PCNX1: variants seen among roughly 807,000 people sequenced by gnomAD.
PCNX1 encodes pecanex-like protein 1.
In PCNX1, 78 loss-of-function variants were observed where a neutral mutation model predicts 242.2. The ratio of observed to expected loss-of-function variants is 0.32; its 90% CI spans 0.27 to 0.39. The LOEUF (loss-of-function observed/expected upper bound fraction) is 0.39, where lower values mean the gene tolerates loss of function less well. Among genes scored for constraint, PCNX1 ranks in the 10% least tolerant of loss-of-function variants. PCNX1 has a pLI of 1.00. For synonymous variants in PCNX1, 1,024 were observed against 1,032.9 expected (o/e 0.99, Z 0.17); for missense variants, 2,581 against 2,856.5 (o/e 0.90, Z 2.20).
chr14:71,062,764 C>T (rs1405963277), intron 26 of PCNX1, among the ~76,000 whole-genome samples: 3 of 152,200 alleles, frequency 2.0e-5, no homozygotes, highest in African/African-American at 7.2e-5. Context: ...TTCACACTCA[C>T]TCACTACTGA....
intron 6 of PCNX1, among the ~76,000 whole-genome samples, chr14:70,980,319 C>T (rs2058801842): frequency 6.8e-6 from 1 of 147,962 alleles, no homozygotes; most frequent in Non-Finnish European, 1.5e-5. Context: ...CTATATTAGC[C>T]CTTGTTTTTC....
Position 71,045,270 on chromosome 14 carries a change from G to C in PCNX1, c.4005G>C (p.Gln1335His). The C allele has an allele frequency of 6.2e-7, 1 of 1,601,290 alleles. No homozygotes were observed. The highest frequency in any genetic ancestry group is 8.5e-7 in the Non-Finnish European group (1 of 1,176,028). The stretch of plus-strand genomic sequence containing the variant: ...TGCTAAAGACACTAGAGTATAATCA[G>C]TATGAAGTTCGAAGTAAGTATTTCA... ...HPLLKTLEYN[Q>H]YEVRNAATMM... The change falls in exon 20 of 36, where the codon CAG (glutamine) becomes CAC (histidine). Residue 1335 changes from glutamine (Q) to histidine (H), a missense_variant. Physicochemically the swap from Gln to His is conservative, Grantham distance 24. This residue lies in a region of PCNX1 where 432 missense variants were observed against 443.1 expected (regional missense o/e 0.97). Transcript: ENST00000304743.
Position 71,011,515 on chromosome 14 carries a change from GT to G in PCNX1, c.2746del (p.Ser916LeufsTer19). The G allele has an allele frequency of 6.3e-7, 1 of 1,575,684 alleles. No individual in the cohort carries two copies. Among genetic ancestry groups the G allele is most frequent in the Non-Finnish European group, 8.7e-7 (1 of 1,147,240 alleles). On this transcript the variant is annotated frameshift_variant, in exon 10 of 36. Transcript: ENST00000304743. LOFTEE classifies it high-confidence loss of function. ...NICDTDSHVS[S>X]STSVRFYPHD... The stretch of plus-strand genomic sequence containing the variant: ...AGTGACACAGATTCTCATGTATCCA[GT>G]TCTACCTCAGTTCGATTTTATCCAC...
intron 18 of PCNX1, 144 bp from the exon 19 acceptor site, chr14:71,035,921 G>T: frequency 1.7e-6 from 1 of 576,050 alleles, no homozygotes; most frequent in Non-Finnish European, 3.0e-6. Flanking sequence ...AAGTATCAAT[G>T]AAAACTTCTT....
intron 16 of PCNX1, chr14:71,031,923 C>A (rs181991122): frequency 6.1e-5 from 87 of 1,432,800 alleles, no homozygotes; most frequent in Non-Finnish European, 7.6e-5. Flanking sequence ...CAAACTGGTA[C>A]CACAGGCGGA....
intron 28 of PCNX1, among the ~76,000 whole-genome samples, chr14:71,077,021 TAAA>T (rs766791830): frequency 3.6e-4 from 55 of 152,178 alleles, no homozygotes; most frequent in Admixed American, 4.6e-4. Context: ...TTAATATGAG[TAAA>T]AAAGACATAG....
intron 1 of PCNX1, among the ~76,000 whole-genome samples, chr14:70,914,426 G>C (rs916073436): frequency 2.0e-5 from 3 of 152,134 alleles, no homozygotes; most frequent in African/African-American, 7.2e-5. Context: ...TTTATAAAAT[G>C]TTCTGTCTTT....
intron 8 of PCNX1, among the ~76,000 whole-genome samples, chr14:71,006,041 A>G (rs757417347): frequency 1.4e-5 from 2 of 139,954 alleles, no homozygotes; most frequent in Non-Finnish European, 3.1e-5. Context: ...TCCTACCTCA[A>G]CCTCCCAAGT....
At position 71,051,909 on chromosome 14, in the gene PCNX1, G is replaced by A. The variant is rs113367422; in HGVS notation, c.4474G>A (p.Ala1492Thr). Residue 1492 changes from alanine to threonine, a missense_variant, in exon 24 of 36, where the codon GCT becomes ACT. By Grantham distance (58) the Ala-to-Thr change is moderately conservative. Around this residue, in one of 9 missense-constraint regions of PCNX1, gnomAD observed 99 missense variants for 147.3 expected, o/e 0.67. Coordinates refer to ENST00000304743, the MANE Select transcript of PCNX1 (RefSeq NM_014982.3). ...TTCAGCCATGCTGTTTATTCAGGCT[G>A]CTGTCTCGGCCTTCTTCTCTACTCC... ...PHSAMLFIQA[A>T]VSAFFSTPLN... 6.2e-7 allele frequency: 1 copy of A among 1,613,550 alleles called. No homozygotes were observed. Among genetic ancestry groups the A allele is most frequent in the Non-Finnish European group, 8.5e-7 (1 of 1,179,696 alleles).
intron 7 of PCNX1, among the ~76,000 whole-genome samples, chr14:70,993,688 GA>G (rs553397434): frequency 1.3e-5 from 2 of 151,818 alleles, no homozygotes; most frequent in African/African-American, 4.8e-5. Flanking sequence ...GATGTCAAGT[GA>G]AAAAAAATCG....
At chr14:71,072,052 A>G (rs1445780352) in intron 26 of PCNX1, among the ~76,000 whole-genome samples, 1 of 152,216 alleles carries the variant, frequency 6.6e-6, no homozygotes, top group Non-Finnish European at 1.5e-5. Context: ...CTAACATTAA[A>G]GATCACTGAT....
intron 2 of PCNX1, among the ~76,000 whole-genome samples, chr14:70,959,986 G>T (rs1595055529): frequency 8.1e-6 from 1 of 123,764 alleles, no homozygotes; most frequent in Non-Finnish European, 1.8e-5. Context: ...GCCAGTGATG[G>T]TGAGCATTTT....
rs28742977 is a variant in PCNX1 at position 70,978,539 on chromosome 14, A to G, written c.2202A>G (p.Leu734=). Residue 734 remains leucine (L), a synonymous_variant, in exon 6 of 36, where the codon CTA becomes CTG. Coordinates refer to ENST00000304743, the MANE Select transcript of PCNX1 (RefSeq NM_014982.3). The part of the protein sequence containing the change: ...EAKEGEVLDE[L]SLLGRASQLE... ...AAGAGGGAGAGGTGCTAGATGAGCT[A>G]TCTTTATTAGGACGGGCTTCCCAGT... The G allele has an allele frequency of 3.2e-4, 519 of 1,614,156 alleles. No homozygotes were observed. The African/African-American group carries it at 6.0e-3, about 19-fold the overall frequency.
chr14:70,972,325 G>A lies in PCNX1; in HGVS notation c.604+3215G>A, dbSNP rs920630321. 1.9e-4 allele frequency among the ~76,000 whole-genome samples: 29 copies of A among 152,110 alleles called. 1 individual carries two copies. The South Asian group carries it at 5.4e-3, about 28-fold the overall frequency. The stretch of plus-strand genomic sequence containing the variant: ...TCAGGTGCTGTTAGACCTGTAAGCA[G>A]CAATGAGTAGATAAGAGAGGTCCAG... On this transcript the variant is annotated intron_variant, in intron 5 of 35. Coordinates refer to ENST00000304743, the MANE Select transcript of PCNX1 (RefSeq NM_014982.3).
At chr14:71,078,522 T>C (rs910719566) in intron 28 of PCNX1, 1 of 152,258 alleles carries the variant, frequency 6.6e-6, no homozygotes, top group Non-Finnish European at 1.5e-5. Context: ...TCTTTCACTT[T>C]GTTGTTAGTA....
intron 28 of PCNX1, among the ~76,000 whole-genome samples, chr14:71,079,559 A>G (rs1474341448): frequency 6.6e-6 from 1 of 152,090 alleles, no homozygotes; most frequent in Non-Finnish European, 1.5e-5. Flanking sequence ...CTGACTTTTT[A>G]ATGATCGCCA....
At chr14:71,025,171 A>T (rs894925652) in intron 13 of PCNX1, among the ~76,000 whole-genome samples, 2 of 152,130 alleles carry the variant, frequency 1.3e-5, no homozygotes, top group South Asian at 2.1e-4. Flanking sequence ...CCCTTCTTAT[A>T]TATGTAGGTA....
At chr14:71,056,393 A>T (rs558408806) in intron 25 of PCNX1, among the ~76,000 whole-genome samples, 44 of 152,330 alleles carry the variant, frequency 2.9e-4, no homozygotes, top group Non-Finnish European at 5.7e-4. Flanking sequence ...TGATGATGCC[A>T]TCCTGCATAA....
At chr14:71,101,886 A>G in intron 30 of PCNX1, 104 bp from the exon 31 acceptor site, 1 of 581,484 alleles carries the variant, frequency 1.7e-6, no homozygotes, top group Non-Finnish European at 2.9e-6. Context: ...ATGTGTTGAA[A>G]TATTCATAAT....
Sources: gnomAD v4.1 joint callset for allele counts (sites outside exome capture counted in the v4.1 genomes callset) on GRCh38, gnomAD v4.1.1 for gene constraint, gnomAD v4.1.1 regional missense constraint, MANE v1.5 for transcripts, NCBI Gene and HGNC (gene_info 2026-07-23, HGNC 2026-07-21) for gene names.